The following TCF4 variants were observed in gnomAD, a reference collection of about 807,000 sequenced individuals.
TCF4 encodes SL3-3 enhancer factor 2.
In TCF4, 3 loss-of-function variants were observed where a neutral mutation model predicts 82.1. The observed-to-expected ratio is 0.04, with a 90% CI of 0.02 to 0.09. The LOEUF is 0.09. TCF4 is among the 10% of genes least tolerant of loss of function. The pLI, the probability that TCF4 is intolerant of heterozygous loss-of-function variation, is 1.00. For missense variants in TCF4, 518 were observed against 852.7 expected (o/e 0.61, Z 4.89); for synonymous variants, 276 against 309.6 (o/e 0.89, Z 1.14).
At chr18:55,298,061 G>A (rs1179031918) in intron 8 of TCF4, among the ~76,000 whole-genome samples, 2 of 152,030 alleles carry the variant, frequency 1.3e-5, no homozygotes, top group Admixed American at 1.3e-4. Context: ...AAAAAGATTG[G>A]CTCCTCTGCA....
At chr18:55,623,845 T>G (rs1167881877) in intron 2 of TCF4, among the ~76,000 whole-genome samples, 3 of 152,160 alleles carry the variant, frequency 2.0e-5, no homozygotes, top group Non-Finnish European at 4.4e-5. Flanking sequence ...ATTGCAGGGC[T>G]GTCAAGCTGG....
intron 8 of TCF4, chr18:55,321,254 C>T: frequency 4.7e-6 from 1 of 212,660 alleles, no homozygotes; most frequent in Non-Finnish European, 9.7e-6. Flanking sequence ...GAGAAACTTA[C>T]CCCAAATTTC....
intron 5 of TCF4, among the ~76,000 whole-genome samples, chr18:55,413,960 C>T (rs1284370743): frequency 2.6e-5 from 4 of 152,094 alleles, no homozygotes; most frequent in African/African-American, 4.8e-5. Context: ...AGAGAGTCAA[C>T]AATGCACATT....
At chr18:55,329,850 A>G (rs1375184454) in intron 8 of TCF4, among the ~76,000 whole-genome samples, 3 of 152,252 alleles carry the variant, frequency 2.0e-5, no homozygotes, top group Admixed American at 2.0e-4. Flanking sequence ...TGACCTCTTC[A>G]GGCATGATTA....
At chr18:55,295,837 C>T (rs1340315483) in intron 8 of TCF4, among the ~76,000 whole-genome samples, 3 of 152,140 alleles carry the variant, frequency 2.0e-5, no homozygotes. Context: ...GCTTAATTCC[C>T]ATTCATCCTT....
chr18:55,246,681 A>G (rs563568227), intron 15 of TCF4, among the ~76,000 whole-genome samples: 1 of 152,162 alleles, frequency 6.6e-6, no homozygotes, highest in East Asian at 1.9e-4. Flanking sequence ...TGGCTAAAAG[A>G]ATTTCTTCAA....
intron 8 of TCF4, among the ~76,000 whole-genome samples, chr18:55,318,106 A>G (rs1302771471): frequency 6.6e-6 from 1 of 152,126 alleles, no homozygotes; most frequent in Admixed American, 6.6e-5. Flanking sequence ...TGTGATCTTC[A>G]ATTACCATTA....
intron 3 of TCF4, among the ~76,000 whole-genome samples, chr18:55,494,622 G>C (rs894277565): frequency 2.0e-5 from 3 of 151,998 alleles, no homozygotes; most frequent in Non-Finnish European, 4.4e-5. Flanking sequence ...GACCAAAAGG[G>C]TTTAAGGATG....
intron 8 of TCF4, among the ~76,000 whole-genome samples, chr18:55,340,426 GA>G (rs1236291276): frequency 2.6e-5 from 4 of 151,354 alleles, no homozygotes; most frequent in Non-Finnish European, 5.9e-5. Flanking sequence ...CAAAAAAAAA[GA>G]AAAAAATTAG....
intron 6 of TCF4, among the ~76,000 whole-genome samples, chr18:55,376,277 C>T (rs948190940): frequency 3.3e-5 from 5 of 152,024 alleles, no homozygotes; most frequent in African/African-American, 1.2e-4. Flanking sequence ...CTGCCTGCCT[C>T]GGCCTCCTAA....
At chr18:55,311,158 G>C (rs1222885778) in intron 8 of TCF4, among the ~76,000 whole-genome samples, 1 of 151,008 alleles carries the variant, frequency 6.6e-6, no homozygotes, top group African/African-American at 2.4e-5. Context: ...AAGAAAAAAG[G>C]AAAGAAAAGA....
chr18:55,580,207 A>G (rs2147762414), intron 3 of TCF4, among the ~76,000 whole-genome samples: 1 of 152,150 alleles, frequency 6.6e-6, no homozygotes, highest in Non-Finnish European at 1.5e-5. Flanking sequence ...TTTTAAGCAC[A>G]TGTCTGGTAA....
intron 3 of TCF4, among the ~76,000 whole-genome samples, chr18:55,568,578 A>G (rs1275363362): frequency 2.6e-5 from 4 of 151,974 alleles, no homozygotes; most frequent in Admixed American, 6.6e-5. Context: ...CAGAAAAAGT[A>G]AAGCTCTCAC....
At chr18:55,480,373 G>C (rs561556989) in intron 3 of TCF4, among the ~76,000 whole-genome samples, 85 of 150,140 alleles carry the variant, frequency 5.7e-4, no homozygotes, top group African/African-American at 2.1e-3. Flanking sequence ...ACACCAAAAG[G>C]ATACAAAATG....
At chr18:55,377,404 C>T (rs975169836) in intron 6 of TCF4, among the ~76,000 whole-genome samples, 1 of 152,140 alleles carries the variant, frequency 6.6e-6, no homozygotes, top group African/African-American at 2.4e-5. Context: ...CTAAGAGCTT[C>T]CTCTACCTAA....
chr18:55,353,645 A>G (rs1407435104), intron 6 of TCF4, among the ~76,000 whole-genome samples: 1 of 152,162 alleles, frequency 6.6e-6, no homozygotes, highest in African/African-American at 2.4e-5. Flanking sequence ...AACAATGACC[A>G]TTTACTATTG....
chr18:55,620,699 T>C (rs772347090), intron 2 of TCF4, among the ~76,000 whole-genome samples: 4 of 152,192 alleles, frequency 2.6e-5, no homozygotes, highest in Admixed American at 6.5e-5. Context: ...TGGGCAATCA[T>C]AGGACTCCCC....
At chr18:55,311,395 G>A (rs1203938402) in intron 8 of TCF4, among the ~76,000 whole-genome samples, 1 of 152,166 alleles carries the variant, frequency 6.6e-6, no homozygotes, top group South Asian at 2.1e-4. Context: ...TCCAGCCCTA[G>A]ATGCCAGTAG....
chr18:55,432,246 T>C (rs923598028), intron 5 of TCF4, among the ~76,000 whole-genome samples: 1 of 152,150 alleles, frequency 6.6e-6, no homozygotes, highest in Admixed American at 6.5e-5. Flanking sequence ...GAGGCTGCAG[T>C]GGGCCAAGAT....
Sources: gnomAD v4.1 joint callset for allele counts (sites outside exome capture counted in the v4.1 genomes callset) on GRCh38, gnomAD v4.1.1 for gene constraint, MANE v1.5 for transcripts, NCBI Gene and HGNC (gene_info 2026-07-23, HGNC 2026-07-21) for gene names.